Variants in IREB2 observed in about 807,000 individuals in gnomAD.
The protein encoded by IREB2 is iron responsive element binding protein 2.
A neutral mutation model predicts 118.8 loss-of-function variants in IREB2; 39 were observed. The ratio of observed to expected loss-of-function variants is 0.33; its 90% CI spans 0.25 to 0.43. The LOEUF (loss-of-function observed/expected upper bound fraction) is 0.43, where lower values mean the gene tolerates loss of function less well. IREB2 is among the 20% of genes least tolerant of loss of function. The probability of loss-of-function intolerance (pLI) is 1.00; values close to 1 mark genes in which losing one functional copy is unlikely to be tolerated. For synonymous variants in IREB2, 372 were observed against 392.2 expected (o/e 0.95, Z 0.61); for missense variants, 900 against 1,147.3 (o/e 0.78, Z 3.11).
intron 2 of IREB2, among the ~76,000 whole-genome samples, chr15:78,449,965 A>G (rs2050996118): frequency 6.6e-6 from 1 of 152,230 alleles, no homozygotes; most frequent in South Asian, 2.1e-4. Flanking sequence ...GTTTTTAATT[A>G]CCTGTCCTTA....
chr15:78,488,794 A>C, intron 16 of IREB2, 23 bp downstream of exon 16: 1 of 1,330,160 alleles, frequency 7.5e-7, no homozygotes, highest in Non-Finnish European at 1.1e-6. Flanking sequence ...TGTGTTTCTT[A>C]AATAGTTTAA....
chr15:78,488,839 C>A, intron 16 of IREB2, 68 bp downstream of exon 16: 1 of 874,814 alleles, frequency 1.1e-6, no homozygotes. Context: ...CATATATCTT[C>A]TGAATAGAAT....
At chr15:78,490,563 G>A in intron 17 of IREB2, 37 bp downstream of exon 17, 1 of 1,606,176 alleles carries the variant, frequency 6.2e-7, no homozygotes, top group Non-Finnish European at 8.5e-7. Flanking sequence ...TTTAAAGATT[G>A]TTATAAACTA....
At chr15:78,438,213 C>A (rs1006945799), upstream of IREB2, 7 of 749,826 alleles carry the variant, frequency 9.3e-6, no homozygotes, top group Admixed American at 1.5e-4. Flanking sequence ...GCGATATTTG[C>A]GCGAGCCTGC....
chr15:78,478,446 T>C, intron 10 of IREB2, 49 bp downstream of exon 10: 1 of 1,158,156 alleles, frequency 8.6e-7, no homozygotes, highest in Non-Finnish European at 1.3e-6. Context: ...AATTGTGGTG[T>C]AATCCCAGCG....
chr15:78,497,421 G>A (rs913928003), intron 21 of IREB2, 110 bp downstream of exon 21: 4 of 798,272 alleles, frequency 5.0e-6, no homozygotes, highest in South Asian at 1.8e-5. Context: ...TGAATGTTAA[G>A]TTGCCATTTA....
chr15:78,482,751 G>GTT (rs11444966), intron 10 of IREB2, among the ~76,000 whole-genome samples: 75 of 145,558 alleles, frequency 5.2e-4, no homozygotes, highest in East Asian at 1.4e-3. Context: ...GGGAAACCAG[G>GTT]TTTTTTTTTT....
intron 11 of IREB2, 92 bp downstream of exon 11, chr15:78,483,526 CTA>C (rs1172974307): frequency 1.4e-6 from 1 of 739,100 alleles, no homozygotes; most frequent in African/African-American, 1.7e-5. Flanking sequence ...CAATTCACTG[CTA>C]TGTTTTATAT....
chr15:78,494,079 T>C, intron 19 of IREB2, 23 bp downstream of exon 19: 1 of 1,613,524 alleles, frequency 6.2e-7, no homozygotes. Context: ...ACAAAGTATT[T>C]AGACAATTTA....
intron 1 of IREB2, 136 bp from the exon 2 acceptor site, chr15:78,439,659 C>A (rs878956755): frequency 3.4e-4 from 196 of 573,260 alleles, no homozygotes. Context: ...CTAATGGCTA[C>A]TTTACTGGAC....
At position 78,463,104 on chromosome 15, in the gene IREB2, T is replaced by C. The variant is rs780731078; in HGVS notation, c.272+17T>C. 1.3e-6 allele frequency: 2 copies of C among 1,576,076 alleles called. No individual in the cohort carries two copies. Among genetic ancestry groups the C allele is most frequent in the Non-Finnish European group, 1.7e-6 (2 of 1,163,200 alleles). On this transcript the variant is annotated intron_variant, in intron 3 of 21. Coordinates refer to ENST00000258886, the MANE Select transcript of IREB2 (RefSeq NM_004136.4). ...AGATTTTACGTGAGTAATGGGTTTA[T>C]TTTTTGTGAATGAACTCTTAGAGTG...
chr15:78,484,637 A>C, intron 11 of IREB2, 124 bp from the exon 12 acceptor site: 1 of 651,298 alleles, frequency 1.5e-6, no homozygotes, highest in Non-Finnish European at 2.6e-6. Flanking sequence ...CTTTAGCATC[A>C]CTCACAAAAA....
At position 78,482,378 on chromosome 15, in the gene IREB2, T is replaced by C. The variant is rs76359696; in HGVS notation, c.1297-940T>C. ...AAATGCATGAAGGAAACGATAGAAA[T>C]GCCAGAAGAAATAAATAGGAATCTA... On this transcript the variant is annotated intron_variant, in intron 10 of 21. Coordinates refer to ENST00000258886, the MANE Select transcript of IREB2 (RefSeq NM_004136.4). Among the ~76,000 whole-genome samples, 4 of 152,122 alleles carry C rather than the reference T, an allele frequency of 2.6e-5. No individual in the cohort carries two copies. The East Asian group carries it at 7.7e-4, about 29-fold the overall frequency.
intron 2 of IREB2, among the ~76,000 whole-genome samples, chr15:78,450,502 T>TA (rs2051004816): frequency 6.6e-6 from 1 of 152,176 alleles, no homozygotes; most frequent in African/African-American, 2.4e-5. Context: ...GGGTAGGCAG[T>TA]AGGCCACCCT....
intron 2 of IREB2, among the ~76,000 whole-genome samples, chr15:78,447,948 G>T (rs1349406790): frequency 6.6e-6 from 1 of 152,220 alleles, no homozygotes; most frequent in Non-Finnish European, 1.5e-5. Flanking sequence ...CCAGGTCCCA[G>T]CTATTCATGC....
intron 9 of IREB2, among the ~76,000 whole-genome samples, chr15:78,476,966 G>C (rs1218139389): frequency 3.3e-5 from 5 of 151,964 alleles, no homozygotes; most frequent in Non-Finnish European, 7.4e-5. Context: ...TCTCTTTAAT[G>C]AGGTAATCAT....
At position 78,499,496 on chromosome 15, in the gene IREB2, T is replaced by C. The variant is rs2051901974; in HGVS notation, c.*1353T>C. ...GAATTAGTTCACATTGCATAAAGAA[T>C]TACTTGTTGTAAGCAAAATGCTGAA... On this transcript the variant is annotated 3_prime_UTR_variant, in exon 22 of 22. Transcript: ENST00000258886. The C allele has an allele frequency of 6.6e-6, 1 of 152,210 alleles. No individual in the cohort carries two copies. The highest frequency in any genetic ancestry group is 1.5e-5 in the Non-Finnish European group (1 of 68,032). 9.4% of individuals were successfully genotyped at this position (152,210 alleles called of 1,614,324 possible).
rs549888443 is a variant in IREB2 at position 78,498,625 on chromosome 15, C to G, written c.*482C>G. ...AATGGACCTTTTAAGTATATTAATT[C>G]CTCTTCAGAATTGAGCTGGACACAT... is the stretch of plus-strand genomic sequence containing the variant. On this transcript the variant is annotated 3_prime_UTR_variant, in exon 22 of 22. Coordinates refer to ENST00000258886, the MANE Select transcript of IREB2 (RefSeq NM_004136.4). 6.5e-6 allele frequency: 1 copy of G among 153,134 alleles called. No individual in the cohort carries two copies. Among genetic ancestry groups the G allele is most frequent in the African/African-American group, 2.4e-5 (1 of 41,504 alleles). 9.5% of individuals were successfully genotyped at this position (153,134 alleles called of 1,614,324 possible).
rs1213832265 is a variant in IREB2 at position 78,466,591 on chromosome 15, C to T, written c.629+102C>T. 2.5e-5 allele frequency: 19 copies of T among 754,060 alleles called. No homozygotes were observed. In the Admixed American group the frequency reaches 2.8e-4, roughly 11 times the overall value. The allele number at this position is 754,060 out of a possible 1,614,324, so 46.7% of individuals were successfully genotyped here. On this transcript the variant is annotated intron_variant, in intron 5 of 21. Coordinates refer to ENST00000258886, the MANE Select transcript of IREB2 (RefSeq NM_004136.4). ...CACCCAATTACTATTATGTTACCTT[C>T]ACACTTAAGTACTGAATTGAATTTT...
Sources: allele counts gnomAD v4.1 joint callset (sites outside exome capture counted in the v4.1 genomes callset), GRCh38; gene constraint gnomAD v4.1.1; transcripts MANE v1.5; gene names NCBI Gene and HGNC (gene_info 2026-07-23, HGNC 2026-07-21).